PRKN: variants seen among roughly 807,000 people sequenced by gnomAD.
The protein encoded by PRKN is parkin RBR E3 ubiquitin protein ligase.
In PRKN, 56 loss-of-function variants were observed where a neutral mutation model predicts 59.5. The ratio of observed to expected loss-of-function variants is 0.94; its 90% CI spans 0.76 to 1.18. PRKN has a LOEUF of 1.18. PRKN is among the 50% of genes most tolerant of loss of function. PRKN has a pLI of 0.00. For missense variants in PRKN, 657 were observed against 596.4 expected, an observed-to-expected ratio of 1.10 and a Z score of -1.06; for synonymous variants, 250 against 222.1, an observed-to-expected ratio of 1.13 and a Z score of -1.12.
chr6:161,743,264 G>A (rs1472278601), intron 7 of PRKN, among the ~76,000 whole-genome samples: 7 of 127,672 alleles, frequency 5.5e-5, no homozygotes, highest in Non-Finnish European at 9.4e-5. Context: ...CTGTCGCCCA[G>A]GCTGGAGTGC....
At chr6:162,336,145 T>C (rs1475508483) in intron 2 of PRKN, among the ~76,000 whole-genome samples, 1 of 152,114 alleles carries the variant, frequency 6.6e-6, no homozygotes, top group Non-Finnish European at 1.5e-5. Context: ...CATAACACTT[T>C]CTGAAGACTG....
chr6:161,939,263 CA>C, intron 6 of PRKN, among the ~76,000 whole-genome samples: 1 of 151,288 alleles, frequency 6.6e-6, no homozygotes, highest in Non-Finnish European at 1.5e-5. Flanking sequence ...ACTAAAAGTA[CA>C]AAAAATGGCC....
At chr6:162,230,659 G>A (rs1251046025) in intron 3 of PRKN, among the ~76,000 whole-genome samples, 1 of 152,184 alleles carries the variant, frequency 6.6e-6, no homozygotes, top group Non-Finnish European at 1.5e-5. Context: ...ACACAACTGT[G>A]AACAATAGAG....
intron 7 of PRKN, among the ~76,000 whole-genome samples, chr6:161,670,320 C>T (rs527301581): frequency 1.2e-4 from 19 of 152,142 alleles, no homozygotes; most frequent in Non-Finnish European, 1.8e-4. Context: ...CGCATCCTCT[C>T]GCAGTTCTGG....
chr6:161,718,109 C>T (rs750153926), intron 7 of PRKN, among the ~76,000 whole-genome samples: 1 of 152,168 alleles, frequency 6.6e-6, no homozygotes, highest in Non-Finnish European at 1.5e-5. Flanking sequence ...TTGGAAGATA[C>T]ATTTTTCAAG....
intron 4 of PRKN, among the ~76,000 whole-genome samples, chr6:162,136,652 G>A (rs1781573160): frequency 1.3e-5 from 2 of 152,200 alleles, no homozygotes; most frequent in Non-Finnish European, 1.5e-5. Context: ...TATTTGGCAA[G>A]TGTTCATTAA....
intron 7 of PRKN, among the ~76,000 whole-genome samples, chr6:161,707,733 G>C (rs1428515079): frequency 6.6e-6 from 1 of 152,148 alleles, no homozygotes; most frequent in Non-Finnish European, 1.5e-5. Context: ...TCTAAGATCA[G>C]ACTTTCCAAT....
intron 6 of PRKN, among the ~76,000 whole-genome samples, chr6:161,955,198 G>C (rs1309498699): frequency 3.3e-5 from 5 of 152,080 alleles, no homozygotes; most frequent in Non-Finnish European, 7.3e-5. Flanking sequence ...CTGTGGGGCT[G>C]ACTCGTGCTT....
chr6:162,524,580 A>T (rs1036974752), intron 1 of PRKN, among the ~76,000 whole-genome samples: 3 of 152,170 alleles, frequency 2.0e-5, no homozygotes, highest in African/African-American at 7.2e-5. Context: ...CTCTTGAGCA[A>T]CTTTCATTTT....
rs573318294 is a variant in PRKN at position 162,032,759 on chromosome 6, C to G, written c.618+21332G>C. 4.6e-5 allele frequency among the ~76,000 whole-genome samples: 7 copies of G among 152,222 alleles called. No homozygotes were observed. In the East Asian group the frequency reaches 1.4e-3, roughly 29 times the overall value. ...AAGATCTTGAAAGTTACAGAAAGCC[C>G]CATGAGACAATGACTCATCTCTGAT... On this transcript the variant is annotated intron_variant, in intron 5 of 11. Transcript: ENST00000366898.
At chr6:161,570,055 A>G (rs929001299) in intron 7 of PRKN, among the ~76,000 whole-genome samples, 2 of 149,504 alleles carry the variant, frequency 1.3e-5, no homozygotes, top group Non-Finnish European at 3.0e-5. Flanking sequence ...CGTTCCACCC[A>G]ATCAATCCAA....
At chr6:161,598,177 G>A (rs1781983274) in intron 7 of PRKN, among the ~76,000 whole-genome samples, 1 of 152,160 alleles carries the variant, frequency 6.6e-6, no homozygotes, top group African/African-American at 2.4e-5. Flanking sequence ...TTAGTTGTGT[G>A]GTCCTCCAAC....
At chr6:161,683,892 T>C (rs1462057896) in intron 7 of PRKN, among the ~76,000 whole-genome samples, 1 of 152,030 alleles carries the variant, frequency 6.6e-6, no homozygotes, top group Non-Finnish European at 1.5e-5. Context: ...TGAGAGAATA[T>C]AGGGCTCTGA....
intron 4 of PRKN, among the ~76,000 whole-genome samples, chr6:162,187,569 C>G (rs1194864463): frequency 6.6e-6 from 1 of 152,126 alleles, no homozygotes; most frequent in Non-Finnish European, 1.5e-5. Context: ...CTAATGCAGG[C>G]CCAGCAGGAG....
chr6:161,687,388 C>CAA (rs1192587302), intron 7 of PRKN, among the ~76,000 whole-genome samples: 13 of 51,554 alleles, frequency 2.5e-4, no homozygotes, highest in African/African-American at 1.1e-3. Context: ...GACTCCATCT[C>CAA]AAAAAAAAAA....
At chr6:161,693,477 G>C (rs1393298343) in intron 7 of PRKN, among the ~76,000 whole-genome samples, 2 of 152,118 alleles carry the variant, frequency 1.3e-5, no homozygotes, top group African/African-American at 4.8e-5. Context: ...TCTCAGGAAA[G>C]AGATACCCAA....
At chr6:161,907,510 C>G (rs779696980) in intron 6 of PRKN, among the ~76,000 whole-genome samples, 1 of 152,082 alleles carries the variant, frequency 6.6e-6, no homozygotes, top group Non-Finnish European at 1.5e-5. Context: ...TCACATTTGC[C>G]AAGTTATTCT....
At chr6:162,271,733 C>T (rs994324860) in intron 2 of PRKN, among the ~76,000 whole-genome samples, 22 of 152,030 alleles carry the variant, frequency 1.4e-4, no homozygotes, top group African/African-American at 5.3e-4. Flanking sequence ...CAGTTCCCCT[C>T]CATAGTTTTC....
intron 9 of PRKN, among the ~76,000 whole-genome samples, chr6:161,540,249 A>C (rs1175086121): frequency 6.6e-6 from 1 of 152,220 alleles, no homozygotes; most frequent in Non-Finnish European, 1.5e-5. Flanking sequence ...TGAGATTGAC[A>C]CATGGTGACA....
Sources: allele counts gnomAD v4.1 joint callset (sites outside exome capture counted in the v4.1 genomes callset), GRCh38; gene constraint gnomAD v4.1.1; transcripts MANE v1.5; gene names NCBI Gene and HGNC (gene_info 2026-07-23, HGNC 2026-07-21).